Variants in LDLRAD4 observed in about 807,000 individuals in gnomAD.
LDLRAD4 encodes the protein low-density lipoprotein receptor class A domain-containing protein 4.
Under a neutral mutation model 17.0 loss-of-function variants are expected in LDLRAD4, and 5 were observed. The observed-to-expected ratio is 0.29, with a 90% CI of 0.15 to 0.62. The LOEUF is 0.62. Ranked by LOEUF, LDLRAD4 falls within the 20% of genes least tolerant of loss-of-function variation. The pLI, the probability that LDLRAD4 is intolerant of heterozygous loss-of-function variation, is 0.84. For missense variants in LDLRAD4, 340 were observed against 424.7 expected (o/e 0.80, Z 1.75); for synonymous variants, 168 against 171.8 (o/e 0.98, Z 0.17).
At chr18:13,651,551 T>G (rs747791609) in exon 6 of LDLRAD4, 1 of 152,238 alleles carries the variant, frequency 6.6e-6, no homozygotes, top group African/African-American at 2.4e-5. Context: ...TTGGATTGTA[T>G]ATTGTTACAT....
intron 1 of LDLRAD4, among the ~76,000 whole-genome samples, chr18:13,369,481 G>A (rs2144808079): frequency 6.6e-6 from 1 of 152,146 alleles, no homozygotes; most frequent in East Asian, 1.9e-4. Flanking sequence ...GCGTCTGCTG[G>A]TGTACTCAGG....
chr18:13,479,296 C>G, intron 3 of LDLRAD4, among the ~76,000 whole-genome samples: 1 of 152,136 alleles, frequency 6.6e-6, no homozygotes, highest in East Asian at 1.9e-4. Flanking sequence ...TAAAATTAAA[C>G]ATTTCTGCCC....
intron 3 of LDLRAD4, among the ~76,000 whole-genome samples, chr18:13,580,222 C>A (rs1406324731): frequency 6.6e-6 from 1 of 152,232 alleles, no homozygotes; most frequent in African/African-American, 2.4e-5. Flanking sequence ...TTTCCCTGAA[C>A]AGGACAGGAT....
intron 3 of LDLRAD4, among the ~76,000 whole-genome samples, chr18:13,498,987 T>TCA (rs2093551613): frequency 1.1e-5 from 1 of 90,282 alleles, no homozygotes; most frequent in African/African-American, 4.4e-5. Flanking sequence ...AGAATCCATC[T>TCA]CCACACACGT....
At chr18:13,379,085 C>G (rs574116318) in intron 1 of LDLRAD4, among the ~76,000 whole-genome samples, 8 of 152,348 alleles carry the variant, frequency 5.3e-5, no homozygotes, top group African/African-American at 1.4e-4. Context: ...GCCATCATTG[C>G]TTCCATTTTA....
intron 1 of LDLRAD4, among the ~76,000 whole-genome samples, chr18:13,331,030 G>A (rs976360464): frequency 6.6e-6 from 1 of 152,192 alleles, no homozygotes; most frequent in African/African-American, 2.4e-5. Flanking sequence ...CTCTTCATCT[G>A]TATCCTTCCT....
intron 3 of LDLRAD4, among the ~76,000 whole-genome samples, chr18:13,474,010 G>A (rs4797780): frequency 0.27 from 41,705 of 151,884 alleles, 7,268 homozygotes; most frequent in Non-Finnish European, 0.37. Context: ...TCTGTTTGGT[G>A]CTGTTGTCGT....
At chr18:13,414,191 T>C (rs2088649907) in intron 2 of LDLRAD4, among the ~76,000 whole-genome samples, 2 of 151,970 alleles carry the variant, frequency 1.3e-5, no homozygotes, top group African/African-American at 4.9e-5. Flanking sequence ...GGCAAGACTC[T>C]TGGTTGAAGG....
At chr18:13,535,422 A>T (rs543774963) in intron 3 of LDLRAD4, among the ~76,000 whole-genome samples, 2 of 152,248 alleles carry the variant, frequency 1.3e-5, no homozygotes, top group East Asian at 1.9e-4. Flanking sequence ...ATGACTAGTG[A>T]TGTTGAGCAT....
chr18:13,619,744 C>T (rs1483995119), intron 3 of LDLRAD4, among the ~76,000 whole-genome samples: 3 of 152,122 alleles, frequency 2.0e-5, no homozygotes, highest in Admixed American at 6.5e-5. Flanking sequence ...CAGGGCATGG[C>T]CTCTGAGCCT....
At chr18:13,478,347 AT>A (rs1338780585) in intron 3 of LDLRAD4, among the ~76,000 whole-genome samples, 2 of 152,190 alleles carry the variant, frequency 1.3e-5, no homozygotes, top group Admixed American at 1.3e-4. Flanking sequence ...AACAGTTGGT[AT>A]TTTCCCGTTG....
At chr18:13,366,052 G>T (rs778170779) in intron 1 of LDLRAD4, 2 of 151,794 alleles carry the variant, frequency 1.3e-5, no homozygotes, top group African/African-American at 4.8e-5. Flanking sequence ...GGATTACAGC[G>T]TGAGCCAGCA....
intron 1 of LDLRAD4, among the ~76,000 whole-genome samples, chr18:13,358,386 T>G (rs1289912407): frequency 6.6e-6 from 1 of 152,122 alleles, no homozygotes; most frequent in Admixed American, 6.5e-5. Flanking sequence ...GATAAAAGAT[T>G]TTGTGAATGC....
At chr18:13,388,017 C>A (rs2085955550) in intron 2 of LDLRAD4, among the ~76,000 whole-genome samples, 1 of 152,190 alleles carries the variant, frequency 6.6e-6, no homozygotes, top group Admixed American at 6.5e-5. Context: ...CACACAATAT[C>A]CTGCAGTATT....
At position 13,621,081 on chromosome 18, in the gene LDLRAD4, G is replaced by T. The variant is rs373276279; in HGVS notation, c.182-36G>T. ...CTGGAGAATGGGTGGGGACTGGAGG[G>T]GCCAGGTGGCTAACCACTCTCCTCT... On this transcript the variant is annotated intron_variant, in intron 3 of 5. Transcript: ENST00000359446. The surrounding 1 kb of genome is among the most constrained non-coding windows in gnomAD (Gnocchi z 5.5). 47 of 1,613,972 alleles carry T rather than the reference G, an allele frequency of 2.9e-5. No homozygotes were observed. The highest frequency in any genetic ancestry group is 3.6e-5 in the Non-Finnish European group (43 of 1,179,952).
intron 3 of LDLRAD4, among the ~76,000 whole-genome samples, chr18:13,525,338 T>G (rs979661804): frequency 2.6e-5 from 4 of 152,182 alleles, no homozygotes; most frequent in Admixed American, 2.6e-4. Context: ...ACAGTGAGCA[T>G]CATCCCCACG....
chr18:13,353,732 C>T (rs1472223293), intron 1 of LDLRAD4, among the ~76,000 whole-genome samples: 1 of 152,194 alleles, frequency 6.6e-6, no homozygotes, highest in African/African-American at 2.4e-5. Context: ...AAGCTTTGGC[C>T]ACTGCCTCCT....
intron 3 of LDLRAD4, among the ~76,000 whole-genome samples, chr18:13,571,511 G>A (rs889827360): frequency 6.6e-6 from 1 of 152,188 alleles, no homozygotes; most frequent in Non-Finnish European, 1.5e-5. Flanking sequence ...TCCCCAGCAG[G>A]GTCAGAGAAA....
intron 1 of LDLRAD4, among the ~76,000 whole-genome samples, chr18:13,326,446 C>T (rs1026682410): frequency 6.6e-6 from 1 of 152,184 alleles, no homozygotes; most frequent in East Asian, 1.9e-4. Context: ...AATGACTGAT[C>T]TCATCTTGTC....
Sources: gnomAD v4.1 joint callset for allele counts (sites outside exome capture counted in the v4.1 genomes callset) on GRCh38, gnomAD v4.1.1 for gene constraint, Gnocchi (gnomAD v3.1) non-coding constraint, MANE v1.5 for transcripts, NCBI Gene and HGNC (gene_info 2026-07-23, HGNC 2026-07-21) for gene names.